ACYP2: variants seen among roughly 807,000 people sequenced by gnomAD.
The protein encoded by ACYP2 is acylphosphatase 2.
ACYP2 carries 12 observed loss-of-function variants against 11.2 expected under a neutral mutation model. The observed-to-expected ratio is 1.08, with a 90% CI of 0.69 to 1.74. The LOEUF (loss-of-function observed/expected upper bound fraction) is 1.74, where lower values mean the gene tolerates loss of function less well. Ranked by LOEUF, ACYP2 falls within the 40% of genes most tolerant of loss-of-function variation. ACYP2 has a pLI of 0.00. For missense variants in ACYP2, 134 were observed against 101.9 expected, an observed-to-expected ratio of 1.31 and a Z score of -1.35; for synonymous variants, 43 against 32.2, an observed-to-expected ratio of 1.33 and a Z score of -1.13.
chr2:54,161,016 C>T (rs920866875), intron 6 of ACYP2, among the ~76,000 whole-genome samples: 2 of 152,150 alleles, frequency 1.3e-5, no homozygotes, highest in African/African-American at 4.8e-5. Flanking sequence ...TCAGCATTAC[C>T]TGGCACCTTG....
At chr2:54,091,493 A>G (rs889367358) in intron 4 of ACYP2, among the ~76,000 whole-genome samples, 1 of 130,600 alleles carries the variant, frequency 7.7e-6, no homozygotes, top group Non-Finnish European at 1.5e-5. Context: ...TCTTGATTTT[A>G]TTTATTTATT....
intron 6 of ACYP2, among the ~76,000 whole-genome samples, chr2:54,201,660 TTCTTTCTTTCTTTCTTTCTTTC>T (rs1558609010): frequency 8.7e-4 from 82 of 94,144 alleles, no homozygotes; most frequent in African/African-American, 3.0e-3. Flanking sequence ...CTTTCTTTCT[TTCTTTCTTTCTTTCTTTCTTTC>T]TCTCTCTCTC....
At chr2:54,241,726 G>A (rs1686737896) in intron 6 of ACYP2, among the ~76,000 whole-genome samples, 1 of 152,096 alleles carries the variant, frequency 6.6e-6, no homozygotes, top group Non-Finnish European at 1.5e-5. Context: ...AAATATTTCA[G>A]CTGAGGCCAG....
At chr2:54,007,138 C>CAAAAAAAAAAAAAAAAAAAAAAAAAAA (rs70944145) in intron 2 of ACYP2, among the ~76,000 whole-genome samples, 3 of 52,208 alleles carry the variant, frequency 5.7e-5, no homozygotes, top group African/African-American at 1.5e-4. Context: ...GACTCTGTGT[C>CAAAAAAAAAAAAAAAAAAAAAAAAAAA]AAAAAAAAAA....
intron 2 of ACYP2, among the ~76,000 whole-genome samples, chr2:54,048,261 C>T (rs888752584): frequency 1.3e-5 from 2 of 151,842 alleles, no homozygotes; most frequent in Non-Finnish European, 2.9e-5. Context: ...GTTGTCTCTA[C>T]TGAAAATAAA....
At chr2:54,205,703 T>C (rs1685047787) in intron 6 of ACYP2, among the ~76,000 whole-genome samples, 1 of 152,212 alleles carries the variant, frequency 6.6e-6, no homozygotes, top group Non-Finnish European at 1.5e-5. Flanking sequence ...AATATTTTCA[T>C]TCCTTTATAA....
intron 2 of ACYP2, among the ~76,000 whole-genome samples, chr2:54,006,077 G>T (rs1191132642): frequency 6.6e-6 from 1 of 152,162 alleles, no homozygotes; most frequent in Non-Finnish European, 1.5e-5. Context: ...TCAGTCTCCT[G>T]GGATCAAGTG....
intron 2 of ACYP2, among the ~76,000 whole-genome samples, chr2:54,005,013 TG>T (rs1310947017): frequency 2.0e-5 from 3 of 152,110 alleles, no homozygotes; most frequent in African/African-American, 7.2e-5. Flanking sequence ...CTCCAGTGTG[TG>T]GCTTGTCTTC....
At chr2:54,187,236 G>C (rs112460852) in intron 6 of ACYP2, among the ~76,000 whole-genome samples, 2,511 of 152,270 alleles carry the variant, frequency 0.016, 68 homozygotes, top group African/African-American at 0.056. Context: ...GTTACAGAGA[G>C]CAGCAGGGGT....
At chr2:54,301,924 G>T (rs964329093) in intron 6 of ACYP2, among the ~76,000 whole-genome samples, 1 of 152,072 alleles carries the variant, frequency 6.6e-6, no homozygotes, top group African/African-American at 2.4e-5. Context: ...TAGCAACAGG[G>T]GAAGCATATA....
intron 6 of ACYP2, among the ~76,000 whole-genome samples, chr2:54,266,622 T>TTTTTTTTTG (rs1688039724): frequency 1.1e-5 from 1 of 88,064 alleles, no homozygotes; most frequent in Non-Finnish European, 2.2e-5. Flanking sequence ...TTTTTTTTTT[T>TTTTTTTTTG]TGAGACGGAG....
At chr2:54,038,594 C>T (rs1283069432) in intron 2 of ACYP2, among the ~76,000 whole-genome samples, 1 of 143,680 alleles carries the variant, frequency 7.0e-6, no homozygotes, top group African/African-American at 2.6e-5. Flanking sequence ...AACTTTATTC[C>T]TCTCTGTTTC....
chr2:54,029,914 C>A (rs187249479), intron 2 of ACYP2: 144 of 265,260 alleles, frequency 5.4e-4, no homozygotes, highest in African/African-American at 2.9e-3. Context: ...TCGAGGCCCG[C>A]CAATAATGAG....
chr2:54,002,871 C>T (rs1307048092), intron 2 of ACYP2, among the ~76,000 whole-genome samples: 1 of 149,080 alleles, frequency 6.7e-6, no homozygotes, highest in Non-Finnish European at 1.5e-5. Flanking sequence ...TGGTCTTGAA[C>T]TCCTCACCTC....
intron 6 of ACYP2, among the ~76,000 whole-genome samples, chr2:54,290,245 C>T (rs956004241): frequency 6.6e-6 from 1 of 152,056 alleles, no homozygotes; most frequent in East Asian, 1.9e-4. Flanking sequence ...GGCTTGGTCC[C>T]GGAGTCCACG....
intron 2 of ACYP2, among the ~76,000 whole-genome samples, chr2:54,006,225 G>A (rs1673055970): frequency 6.6e-6 from 1 of 151,896 alleles, no homozygotes; most frequent in African/African-American, 2.4e-5. Context: ...TCGGCTCACT[G>A]CAACCTCTGC....
At chr2:54,298,778 T>C (rs1175295815) in intron 6 of ACYP2, among the ~76,000 whole-genome samples, 1 of 152,184 alleles carries the variant, frequency 6.6e-6, no homozygotes, top group Non-Finnish European at 1.5e-5. Flanking sequence ...GAGACAGTCT[T>C]ACTCACTCTG....
intron 2 of ACYP2, among the ~76,000 whole-genome samples, chr2:54,031,978 A>AT (rs1258853706): frequency 1.3e-5 from 2 of 151,568 alleles, no homozygotes; most frequent in African/African-American, 2.4e-5. Context: ...GGGTTGTTTG[A>AT]TTTTTTCTTG....
At position 54,100,714 on chromosome 2, in the gene ACYP2, CTG is replaced by C. The variant is rs1049273181; in HGVS notation, c.278-34737_278-34736del. 4.1e-4 allele frequency among the ~76,000 whole-genome samples: 62 copies of C among 152,254 alleles called. 1 individual carries two copies. Among genetic ancestry groups the C allele is most frequent in the African/African-American group, 1.4e-3 (58 of 41,562 alleles). On this transcript the variant is annotated intron_variant, in intron 4 of 6. Transcript: ENST00000607452. ...GGAATAGTATTTAAGATATTTAAAA[CTG>C]TAGTTTGAATTGACCATTCATGCCT...
Sources: gnomAD v4.1 joint callset for allele counts (sites outside exome capture counted in the v4.1 genomes callset) on GRCh38, gnomAD v4.1.1 for gene constraint, MANE v1.5 for transcripts, NCBI Gene and HGNC (gene_info 2026-07-23, HGNC 2026-07-21) for gene names.